Variants in FLT3 observed in about 807,000 individuals in gnomAD.
FLT3 encodes the protein fms related receptor tyrosine kinase 3, also known as receptor-type tyrosine-protein kinase FLT3.
FLT3 carries 46 observed loss-of-function variants against 126.6 expected under a neutral mutation model. That is an observed-to-expected ratio of 0.36 (90% CI 0.29 to 0.46). The LOEUF is 0.46. Among genes scored for constraint, FLT3 ranks in the 20% least tolerant of loss-of-function variants. The pLI is 1.00. For synonymous variants in FLT3, 404 were observed against 434.4 expected (o/e 0.93, Z 0.87); for missense variants, 1,069 against 1,190.3 (o/e 0.90, Z 1.50).
chr13:28,054,022 T>C (rs1875784715), intron 4 of FLT3, among the ~76,000 whole-genome samples: 1 of 152,110 alleles, frequency 6.6e-6, no homozygotes, highest in African/African-American at 2.4e-5. Flanking sequence ...CCACAGTTTT[T>C]TGTATGATCA....
intron 15 of FLT3, 57 bp from the exon 16 acceptor site, chr13:28,028,345 T>A (rs1036206421): frequency 1.1e-6 from 1 of 899,304 alleles, no homozygotes; most frequent in South Asian, 1.4e-5. Flanking sequence ...GAATTTTATG[T>A]CATTAAATAA....
chr13:28,026,469 A>G (rs187925359), intron 17 of FLT3, among the ~76,000 whole-genome samples: 1 of 152,260 alleles, frequency 6.6e-6, no homozygotes, highest in East Asian at 1.9e-4. Flanking sequence ...AGTAATTAGC[A>G]AGAAAGTTCA....
intron 19 of FLT3, among the ~76,000 whole-genome samples, chr13:28,021,116 A>T (rs1872347553): frequency 6.6e-6 from 1 of 152,118 alleles, no homozygotes; most frequent in South Asian, 2.1e-4. Context: ...TGGGCCAGGT[A>T]CAGTGGCTCA....
At chr13:28,028,808 A>G (rs1344168606) in intron 15 of FLT3, among the ~76,000 whole-genome samples, 2 of 118,686 alleles carry the variant, frequency 1.7e-5, no homozygotes, top group African/African-American at 6.5e-5. Context: ...TTGACACAGT[A>G]TCTCACTCTG....
intron 19 of FLT3, among the ~76,000 whole-genome samples, chr13:28,020,877 A>AGT (rs1872325911): frequency 6.6e-6 from 1 of 152,146 alleles, no homozygotes; most frequent in Admixed American, 6.6e-5. Context: ...AGAAGGGGAC[A>AGT]GTGACACGCA....
rs557583058 is a variant in FLT3, at chr13:28,017,128, GAATT to G, written c.2541+1335_2541+1338del. The stretch of plus-strand genomic sequence containing the variant: ...CAAGTGGGTACTCTGAGGAATAAAT[GAATT>G]AATATGCATAAAGCACTTAGATGTT... On this transcript the variant is annotated intron_variant, in intron 20 of 23. Transcript: ENST00000241453. 2.7e-3 allele frequency among the ~76,000 whole-genome samples: 415 copies of G among 152,220 alleles called. 2 individuals carry two copies. The highest frequency in any genetic ancestry group is 6.0e-3 in the South Asian group (29 of 4,818).
intron 15 of FLT3, among the ~76,000 whole-genome samples, chr13:28,031,882 T>C (rs1873381420): frequency 6.6e-6 from 1 of 152,158 alleles, no homozygotes. Context: ...CTTTCGCCAC[T>C]GTCACTTGGA....
intron 18 of FLT3, 40 bp downstream of exon 18, chr13:28,024,821 T>C: frequency 7.8e-7 from 1 of 1,283,424 alleles, no homozygotes; most frequent in Non-Finnish European, 1.1e-6. Context: ...TTTGCATTCA[T>C]TTCCATTTTA....
At chr13:28,039,392 G>A (rs1213667176) in intron 9 of FLT3, among the ~76,000 whole-genome samples, 3 of 151,630 alleles carry the variant, frequency 2.0e-5, no homozygotes, top group African/African-American at 7.3e-5. Context: ...TAGTAGAGAT[G>A]GGGTTTCACC....
chr13:28,052,506 G>C (rs754861142), intron 5 of FLT3, 39 bp downstream of exon 5: 1 of 1,565,432 alleles, frequency 6.4e-7, no homozygotes, highest in Non-Finnish European at 8.7e-7. Flanking sequence ...AGGCCAAAAG[G>C]AAATTATGAG....
At chr13:28,066,513 A>C (rs1032270697) in intron 2 of FLT3, among the ~76,000 whole-genome samples, 7 of 152,206 alleles carry the variant, frequency 4.6e-5, no homozygotes, top group African/African-American at 2.4e-5. Context: ...AAAGATGAGG[A>C]GATGTTGAAA....
At chr13:28,058,207 TAAAAAAAAAAAACAA>T (rs1286764256) in intron 3 of FLT3, among the ~76,000 whole-genome samples, 1 of 127,674 alleles carries the variant, frequency 7.8e-6, no homozygotes, top group Non-Finnish European at 1.6e-5. Flanking sequence ...TTTTAAAAAT[TAAAAAAAAAAAACAA>T]AAAAAAAAAC....
At chr13:28,075,109 T>C (rs1039871771) in intron 1 of FLT3, among the ~76,000 whole-genome samples, 9 of 152,204 alleles carry the variant, frequency 5.9e-5, no homozygotes, top group Non-Finnish European at 7.3e-5. Flanking sequence ...TATTGTATAA[T>C]TGACAAAAAT....
At chr13:28,053,397 G>T (rs865922208) in intron 4 of FLT3, among the ~76,000 whole-genome samples, 6 of 134,904 alleles carry the variant, frequency 4.4e-5, no homozygotes, top group African/African-American at 1.2e-4. Flanking sequence ...TGTACTGTTT[G>T]ATATATATAT....
At chr13:28,052,968 G>A (rs765025509) in intron 4 of FLT3, among the ~76,000 whole-genome samples, 6 of 152,022 alleles carry the variant, frequency 3.9e-5, no homozygotes, top group Non-Finnish European at 8.8e-5. Flanking sequence ...AATATTGATA[G>A]GCACAGGAAA....
Position 28,019,463 on chromosome 13 carries a change from T to G in FLT3, c.2419-874A>C, listed in dbSNP as rs75035087. On this transcript the variant is annotated intron_variant, in intron 19 of 23. Transcript: ENST00000241453. ...AGAAAATGAACTTTACAAAGGAAGA[T>G]CTGAAGGGGAACAGGGCACTAGTAG... 6.4e-4 allele frequency among the ~76,000 whole-genome samples: 98 copies of G among 152,242 alleles called. 1 individual carries two copies. In the East Asian group the frequency reaches 0.015, roughly 24 times the overall value.
intron 2 of FLT3, among the ~76,000 whole-genome samples, chr13:28,068,749 G>T (rs1489033521): frequency 1.3e-5 from 2 of 151,902 alleles, no homozygotes; most frequent in African/African-American, 4.8e-5. Flanking sequence ...TGTTGTTGTT[G>T]TATTTTTGAT....
At chr13:28,077,385 G>T (rs1243366814) in intron 1 of FLT3, among the ~76,000 whole-genome samples, 15 of 152,124 alleles carry the variant, frequency 9.9e-5, no homozygotes, top group Non-Finnish European at 1.9e-4. Context: ...CTCACATGGT[G>T]GCAGCAAGAG....
chr13:28,069,559 G>A (rs1241372193), intron 2 of FLT3, among the ~76,000 whole-genome samples: 2 of 152,158 alleles, frequency 1.3e-5, no homozygotes, highest in Non-Finnish European at 2.9e-5. Context: ...AGAAAAGCCA[G>A]GATTCTCTTT....
Sources: gnomAD v4.1 joint callset for allele counts (sites outside exome capture counted in the v4.1 genomes callset) on GRCh38, gnomAD v4.1.1 for gene constraint, MANE v1.5 for transcripts, NCBI Gene and HGNC (gene_info 2026-07-23, HGNC 2026-07-21) for gene names.